The following PARP15 variants were observed in gnomAD, a reference collection of about 807,000 sequenced individuals.
PARP15 encodes poly(ADP-ribose) polymerase family member 15.
PARP15 carries 50 observed loss-of-function variants against 62.1 expected under a neutral mutation model. That is an observed-to-expected ratio of 0.81 (90% CI 0.64 to 1.02). The LOEUF is 1.02. Among genes scored for constraint, PARP15 ranks in the 50% least tolerant of loss-of-function variants. The pLI is 0.00. For missense variants in PARP15, 820 were observed against 826.5 expected, an observed-to-expected ratio of 0.99 and a Z score of 0.10; for synonymous variants, 309 against 293.1, an observed-to-expected ratio of 1.05 and a Z score of -0.55.
In PARP15 at chr3:122,577,735, T is replaced by C. The variant is rs761822933; in HGVS notation, c.68T>C (p.Met23Thr). The change falls in exon 1 of 12, where the codon ATG becomes ACG. Residue 23 changes from methionine (M) to threonine (T), a missense_variant. Met to Thr is a moderately conservative substitution (Grantham distance 81). This residue lies in a region of PARP15 where 731 missense variants were observed against 727.7 expected (regional missense o/e 1.00). Coordinates refer to ENST00000464300, the MANE Select transcript of PARP15 (RefSeq NM_001113523.3). ...SPGAPTPREL[M>T]HGVAGVTSRA... Reference sequence around the variant, plus strand: ...GGGGCTCCGACCCCCAGAGAACTTATGCACGGAGTTGCAGGTGTTACTTCC... The same window carrying C: ...GGGGCTCCGACCCCCAGAGAACTTACGCACGGAGTTGCAGGTGTTACTTCC... 192 of 1,551,592 alleles carry C rather than the reference T, an allele frequency of 1.2e-4. No individual in the cohort carries two copies. Among genetic ancestry groups the C allele is most frequent in the Non-Finnish European group, 1.5e-4 (173 of 1,146,994 alleles).
intron 6 of PARP15, among the ~76,000 whole-genome samples, chr3:122,619,240 A>G (rs1428650603): frequency 6.6e-6 from 1 of 152,168 alleles, no homozygotes; most frequent in Non-Finnish European, 1.5e-5. Flanking sequence ...GTCAACTTCA[A>G]CCCAATTTGT....
intron 1 of PARP15, among the ~76,000 whole-genome samples, chr3:122,604,417 T>G (rs1324651563): frequency 6.6e-6 from 1 of 152,188 alleles, no homozygotes; most frequent in African/African-American, 2.4e-5. Context: ...CTTATTTAAC[T>G]AAGAAAATAA....
At chr3:122,605,152 G>T (rs938825728) in intron 1 of PARP15, among the ~76,000 whole-genome samples, 4 of 152,190 alleles carry the variant, frequency 2.6e-5, no homozygotes, top group African/African-American at 9.7e-5. Context: ...TGGGAGGCAA[G>T]GTTGCTGCTG....
At position 122,637,783 on chromosome 3, in the gene PARP15, T is replaced by C. The variant is rs1937445479; in HGVS notation, c.*1683T>C. ...GTCACAAATCATATAATATTATTTC[T>C]ACCATTTTTCTTTTTTTAATCTTTT... On this transcript the variant is annotated 3_prime_UTR_variant, in exon 12 of 12. Transcript: ENST00000464300. 6.6e-6 allele frequency: 1 copy of C among 152,162 alleles called. No homozygotes were observed. Among genetic ancestry groups the C allele is most frequent in the South Asian group, 2.1e-4 (1 of 4,828 alleles). 9.4% of individuals were successfully genotyped at this position (152,162 alleles called of 1,614,324 possible). A position where few individuals can be genotyped will look rare whatever the true frequency, so the allele number is the denominator to read the frequency against.
intron 7 of PARP15, 171 bp from the exon 8 acceptor site, chr3:122,621,273 G>C: frequency 1.5e-6 from 1 of 645,730 alleles, no homozygotes; most frequent in Non-Finnish European, 2.6e-6. Flanking sequence ...CGAGAATTCT[G>C]ATTGTAAAGA....
At chr3:122,585,666 C>T (rs909135193) in intron 1 of PARP15, among the ~76,000 whole-genome samples, 2 of 152,216 alleles carry the variant, frequency 1.3e-5, no homozygotes, top group Admixed American at 1.3e-4. Context: ...TACATAAAAG[C>T]TGAACCAGAT....
At chr3:122,627,780 C>A (rs1386501360) in intron 9 of PARP15, among the ~76,000 whole-genome samples, 2 of 152,230 alleles carry the variant, frequency 1.3e-5, no homozygotes, top group Non-Finnish European at 2.9e-5. Flanking sequence ...AATGTCAGTT[C>A]TCTCTACATT....
intron 7 of PARP15, 181 bp from the exon 8 acceptor site, chr3:122,621,263 C>A: frequency 1.6e-6 from 1 of 615,644 alleles, no homozygotes; most frequent in Admixed American, 3.2e-5. Flanking sequence ...TTGTTGAGCT[C>A]GAGAATTCTG....
At chr3:122,582,899 A>G (rs542199959) in intron 1 of PARP15, among the ~76,000 whole-genome samples, 6 of 151,640 alleles carry the variant, frequency 4.0e-5, no homozygotes, top group Non-Finnish European at 8.8e-5. Flanking sequence ...TCTGCTGTAT[A>G]TAATTATGCT....
chr3:122,624,367 A>G (rs1325978863), intron 8 of PARP15, among the ~76,000 whole-genome samples: 5 of 152,172 alleles, frequency 3.3e-5, no homozygotes, highest in South Asian at 4.1e-4. Context: ...AGGGTGATCA[A>G]TTCTTTCGAG....
intron 3 of PARP15, among the ~76,000 whole-genome samples, chr3:122,612,555 G>A (rs1161698033): frequency 6.6e-6 from 1 of 151,990 alleles, no homozygotes; most frequent in Admixed American, 6.6e-5. Context: ...TCCTGCCTCA[G>A]CCTCCCAAGT....
At chr3:122,626,377 T>G (rs1936731415) in intron 8 of PARP15, among the ~76,000 whole-genome samples, 1 of 152,040 alleles carries the variant, frequency 6.6e-6, no homozygotes, top group South Asian at 2.1e-4. Context: ...TTTTTGTATT[T>G]TTAGTAGAGA....
At chr3:122,620,183 TAAG>T (rs1936250420) in intron 7 of PARP15, among the ~76,000 whole-genome samples, 1 of 152,210 alleles carries the variant, frequency 6.6e-6, no homozygotes, top group Admixed American at 6.5e-5. Context: ...GTTCTACTAA[TAAG>T]TAGTGTGGGA....
rs1352592914 is a variant in PARP15 at position 122,615,724 on chromosome 3, T to C, written c.772-55T>C. ...TCTGATGATCAATGCTCCAAAGAAT[T>C]GGATTAATATTTTTACACAATATTG... On this transcript the variant is annotated intron_variant, in intron 4 of 11. Transcript: ENST00000464300. The C allele has an allele frequency of 3.7e-6, 6 of 1,606,220 alleles. No homozygotes were observed. In the Admixed American group the frequency reaches 8.5e-5, roughly 23 times the overall value.
chr3:122,594,067 T>C (rs943640401), intron 1 of PARP15, among the ~76,000 whole-genome samples: 1 of 152,208 alleles, frequency 6.6e-6, no homozygotes, highest in African/African-American at 2.4e-5. Context: ...GAATGACATA[T>C]TCACAGTCAC....
At chr3:122,597,551 C>T (rs530076064) in intron 1 of PARP15, among the ~76,000 whole-genome samples, 6 of 152,132 alleles carry the variant, frequency 3.9e-5, no homozygotes, top group South Asian at 2.1e-4. Context: ...TGTGAGTCAC[C>T]GCGCCCAGCT....
intron 1 of PARP15, among the ~76,000 whole-genome samples, chr3:122,585,304 A>G (rs779969678): frequency 2.6e-5 from 4 of 152,184 alleles, no homozygotes; most frequent in Non-Finnish European, 5.9e-5. Flanking sequence ...TAGTGTTTGC[A>G]CTTCTGCACT....
chr3:122,612,198 G>A (rs989704677), intron 3 of PARP15, among the ~76,000 whole-genome samples: 1 of 151,530 alleles, frequency 6.6e-6, no homozygotes, highest in Non-Finnish European at 1.5e-5. Flanking sequence ...TGGGACAACA[G>A]GCACACATCA....
At chr3:122,614,487 A>G (rs1457439121) in intron 4 of PARP15, among the ~76,000 whole-genome samples, 1 of 152,210 alleles carries the variant, frequency 6.6e-6, no homozygotes, top group Non-Finnish European at 1.5e-5. Context: ...TATCCATAGG[A>G]AATAATAATA....
Sources: gnomAD v4.1 joint callset for allele counts (sites outside exome capture counted in the v4.1 genomes callset) on GRCh38, gnomAD v4.1.1 for gene constraint, gnomAD v4.1.1 regional missense constraint, MANE v1.5 for transcripts, NCBI Gene and HGNC (gene_info 2026-07-23, HGNC 2026-07-21) for gene names.